Variants in GPBP1 observed in about 807,000 individuals in gnomAD.
GPBP1 encodes the protein GC-rich promoter binding protein 1.
GPBP1 carries 13 observed loss-of-function variants against 56.5 expected under a neutral mutation model. The observed-to-expected ratio is 0.23, with a 90% CI of 0.15 to 0.37. The LOEUF is 0.37. Among genes scored for constraint, GPBP1 ranks in the 10% least tolerant of loss-of-function variants. The pLI, the probability that GPBP1 is intolerant of heterozygous loss-of-function variation, is 1.00. For synonymous variants in GPBP1, 204 were observed against 188.9 expected (o/e 1.08, Z -0.66); for missense variants, 477 against 572.3 (o/e 0.83, Z 1.70).
chr5:57,204,591 TGAC>T (rs1483600779), intron 2 of GPBP1, among the ~76,000 whole-genome samples: 1 of 152,192 alleles, frequency 6.6e-6, no homozygotes, highest in Admixed American at 6.6e-5. Flanking sequence ...AATTTAAACC[TGAC>T]ACTTCTGAAA....
chr5:57,218,997 C>A (rs1755813640), intron 3 of GPBP1, among the ~76,000 whole-genome samples: 1 of 152,104 alleles, frequency 6.6e-6, no homozygotes, highest in Non-Finnish European at 1.5e-5. Context: ...AGATTAGAAT[C>A]CAGGATGTAT....
chr5:57,238,694 T>C (rs914927771), intron 6 of GPBP1, among the ~76,000 whole-genome samples: 3 of 152,234 alleles, frequency 2.0e-5, no homozygotes, highest in Non-Finnish European at 2.9e-5. Context: ...ACTTAAGATA[T>C]TAAAAAATCA....
At chr5:57,233,288 A>C (rs1756535035) in intron 5 of GPBP1, among the ~76,000 whole-genome samples, 1 of 152,210 alleles carries the variant, frequency 6.6e-6, no homozygotes, top group Non-Finnish European at 1.5e-5. Flanking sequence ...GAAATAGAAA[A>C]ATAAAAGATT....
At chr5:57,228,804 TG>T (rs1756310249) in intron 3 of GPBP1, among the ~76,000 whole-genome samples, 1 of 145,498 alleles carries the variant, frequency 6.9e-6, no homozygotes, top group Admixed American at 6.8e-5. Context: ...CATGCAAGAC[TG>T]AAAAAAAAAA....
chr5:57,226,511 T>A lies in GPBP1; in HGVS notation c.64-4335T>A, dbSNP rs2111829059. On this transcript the variant is annotated intron_variant, in intron 3 of 11. Coordinates refer to ENST00000506184, the MANE Select transcript of GPBP1 (RefSeq NM_022913.4). ...AGAATGTATAGGGCTGATGGGTAGATCATTGAGAGAGGCAATTCATCCTGG... is the reference window on the plus strand; with the variant it reads ...AGAATGTATAGGGCTGATGGGTAGAACATTGAGAGAGGCAATTCATCCTGG... Among the ~76,000 whole-genome samples the A allele has an allele frequency of 2.0e-5, 3 of 151,196 alleles. No individual in the cohort carries two copies. The South Asian group carries it at 6.3e-4, about 32-fold the overall frequency.
intron 2 of GPBP1, among the ~76,000 whole-genome samples, chr5:57,179,654 A>G (rs945036235): frequency 1.3e-5 from 2 of 151,882 alleles, no homozygotes; most frequent in East Asian, 1.9e-4. Context: ...GTGGAGTGCA[A>G]TGGCGTGATC....
At position 57,230,965 on chromosome 5, in the gene GPBP1, T is replaced by C. The variant is rs765043321; in HGVS notation, c.183T>C (p.Asn61=). 11 of 1,599,434 alleles carry C rather than the reference T, an allele frequency of 6.9e-6. No individual in the cohort carries two copies. Among genetic ancestry groups the C allele is most frequent in the South Asian group, 1.1e-5 (1 of 87,468 alleles). Residue 61 remains asparagine, a synonymous_variant, in exon 4 of 12, where the codon AAT becomes AAC. Coordinates refer to ENST00000506184, the MANE Select transcript of GPBP1 (RefSeq NM_022913.4). The part of the protein sequence containing the change: ...DGFDSAIGRP[N]GGNFGRKEKN... Reference sequence around the variant, plus strand: ...TTGATTCTGCTATTGGGCGTCCTAATGGAGGTAAAATTTGCTAAGGAATGA... The same window carrying C: ...TTGATTCTGCTATTGGGCGTCCTAACGGAGGTAAAATTTGCTAAGGAATGA...
intron 3 of GPBP1, among the ~76,000 whole-genome samples, chr5:57,225,726 C>G (rs2111825962): frequency 6.6e-6 from 1 of 152,252 alleles, no homozygotes; most frequent in South Asian, 2.1e-4. Context: ...GAACCAGCAT[C>G]ACTGCCTGAG....
At chr5:57,204,478 C>T (rs989914743) in intron 2 of GPBP1, among the ~76,000 whole-genome samples, 3 of 152,158 alleles carry the variant, frequency 2.0e-5, no homozygotes, top group African/African-American at 7.2e-5. Context: ...TCTCAAACTC[C>T]TGGATTCGGG....
chr5:57,193,489 C>G (rs1240192636), intron 2 of GPBP1, among the ~76,000 whole-genome samples: 3 of 151,704 alleles, frequency 2.0e-5, no homozygotes, highest in Non-Finnish European at 4.4e-5. Context: ...TGACTTGCGC[C>G]TGTAGTCCCA....
intron 3 of GPBP1, among the ~76,000 whole-genome samples, chr5:57,214,478 A>G (rs1755622479): frequency 6.6e-6 from 1 of 151,918 alleles, no homozygotes; most frequent in African/African-American, 2.4e-5. Context: ...CCAGCTATTC[A>G]AGAGGCTGAG....
intron 3 of GPBP1, among the ~76,000 whole-genome samples, chr5:57,224,586 C>G (rs1053510402): frequency 9.9e-5 from 15 of 152,124 alleles, no homozygotes; most frequent in Admixed American, 3.3e-4. Context: ...GCTGGGACTA[C>G]AGGTGCGCAC....
At chr5:57,258,882 A>C (rs888925055) in intron 10 of GPBP1, among the ~76,000 whole-genome samples, 10 of 152,232 alleles carry the variant, frequency 6.6e-5, no homozygotes, top group African/African-American at 2.4e-4. Flanking sequence ...ATAATAGTTG[A>C]TAATTTTTTC....
At chr5:57,196,513 C>G (rs1008383243) in intron 2 of GPBP1, among the ~76,000 whole-genome samples, 1 of 152,144 alleles carries the variant, frequency 6.6e-6, no homozygotes, top group African/African-American at 2.4e-5. Context: ...CTATAAATGG[C>G]AAATAACCAC....
chr5:57,175,089 T>C (rs926954184), intron 1 of GPBP1, among the ~76,000 whole-genome samples: 10 of 152,212 alleles, frequency 6.6e-5, no homozygotes, highest in African/African-American at 2.4e-4. Flanking sequence ...TCGAAGAGGG[T>C]TGGAGATCTT....
Position 57,262,806 on chromosome 5 carries a change from T to A in GPBP1, c.*54T>A. 1.4e-6 allele frequency: 2 copies of A among 1,461,168 alleles called. No homozygotes were observed. The highest frequency in any genetic ancestry group is 1.9e-6 in the Non-Finnish European group (2 of 1,064,370). 90.5% of individuals were successfully genotyped at this position (1,461,168 alleles called of 1,614,324 possible). ...AGTGTGATACATCTCTCATACAGTTTGGGGTGAATTGTAAAAATGAAGAAC... is the reference window on the plus strand; with the variant it reads ...AGTGTGATACATCTCTCATACAGTTAGGGGTGAATTGTAAAAATGAAGAAC... On this transcript the variant is annotated 3_prime_UTR_variant, in exon 12 of 12. Transcript: ENST00000506184.
intron 2 of GPBP1, among the ~76,000 whole-genome samples, chr5:57,182,873 G>C (rs1216198905): frequency 6.6e-6 from 1 of 152,054 alleles, no homozygotes; most frequent in African/African-American, 2.4e-5. Context: ...TGTAGAGAGA[G>C]AGTCTTGTTA....
Position 57,231,130 on chromosome 5 carries a change from C to T in GPBP1, c.220C>T (p.Arg74Cys), listed in dbSNP as rs761214960. 3.1e-6 allele frequency: 5 copies of T among 1,613,698 alleles called. No homozygotes were observed. Among genetic ancestry groups the T allele is most frequent in the South Asian group, 2.2e-5 (2 of 91,056 alleles). Residue 74 changes from arginine to cysteine, a missense_variant, in exon 5 of 12, where the codon CGT (arginine) becomes TGT (cysteine). Arg to Cys is a radical substitution (Grantham distance 180). Around this residue, in one of 2 missense-constraint regions of GPBP1, gnomAD observed 414 missense variants for 458.2 expected, o/e 0.90. Transcript: ENST00000506184. ...TGGAAGGAAAGAAAAAAATGGATGG[C>T]GTACACATGGAAGAAATGGTACAGA... ...NFGRKEKNGW[R>C]THGRNGTENI...
chr5:57,217,041 C>A (rs1452050839), intron 3 of GPBP1, among the ~76,000 whole-genome samples: 20 of 151,970 alleles, frequency 1.3e-4, no homozygotes, highest in Non-Finnish European at 2.6e-4. Context: ...AAGGAGAGTG[C>A]AAATTATTAA....
Sources: allele counts gnomAD v4.1 joint callset (sites outside exome capture counted in the v4.1 genomes callset), GRCh38; gene constraint gnomAD v4.1.1; regional missense constraint gnomAD v4.1.1; transcripts MANE v1.5; gene names NCBI Gene and HGNC (gene_info 2026-07-23, HGNC 2026-07-21).